The following SLCO4C1 variants were observed in gnomAD, a reference collection of about 807,000 sequenced individuals.
SLCO4C1 encodes solute carrier organic anion transporter family member 4C1, also known as organic anion transporter M1.
In SLCO4C1, 58 loss-of-function variants were observed where a neutral mutation model predicts 72.1. That is an observed-to-expected ratio of 0.80 (90% CI 0.65 to 1.00). The LOEUF is 1.00. SLCO4C1 is among the 50% of genes least tolerant of loss of function. The pLI is 0.00. For missense variants in SLCO4C1, 898 were observed against 857.9 expected, an observed-to-expected ratio of 1.05 and a Z score of -0.58; for synonymous variants, 297 against 312.5, an observed-to-expected ratio of 0.95 and a Z score of 0.52.
chr5:102,239,301 G>C lies in SLCO4C1; in HGVS notation c.1964C>G (p.Ala655Gly). ...WDINDCGIKGACWIYDNIKMA... is the reference protein window; with the variant it reads ...WDINDCGIKGGCWIYDNIKMA... ...CTTGATGTTATCATAAATCCAGCAAGCTCCTTTAATTCCACAATCATTTAT... is the reference window on the plus strand; with the variant it reads ...CTTGATGTTATCATAAATCCAGCAACCTCCTTTAATTCCACAATCATTTAT... The change falls in exon 12 of 13, where the codon GCT becomes GGT. Residue 655 changes from alanine to glycine, a missense_variant. Transcript: ENST00000310954. The C allele has an allele frequency of 6.2e-7, 1 of 1,600,172 alleles. No homozygotes were observed. The highest frequency in any genetic ancestry group is 8.5e-7 in the Non-Finnish European group (1 of 1,173,468).
intron 2 of SLCO4C1, among the ~76,000 whole-genome samples, chr5:102,280,317 T>A (rs964161296): frequency 1.3e-5 from 2 of 151,570 alleles, no homozygotes; most frequent in Non-Finnish European, 2.9e-5. Flanking sequence ...AATGAACATA[T>A]GGAAACTGAA....
intron 2 of SLCO4C1, among the ~76,000 whole-genome samples, chr5:102,274,931 T>C (rs988364421): frequency 6.6e-6 from 1 of 152,034 alleles, no homozygotes; most frequent in Non-Finnish European, 1.5e-5. Context: ...CAATCCTACA[T>C]TCCTCTCCTG....
intron 10 of SLCO4C1, among the ~76,000 whole-genome samples, chr5:102,242,406 G>A (rs58786975): frequency 0.087 from 13,187 of 152,144 alleles, 646 homozygotes; most frequent in African/African-American, 0.13. Flanking sequence ...CTAATCCCCA[G>A]GCTGCACAGC....
At chr5:102,265,160 G>C (rs1159093274) in intron 3 of SLCO4C1, among the ~76,000 whole-genome samples, 1 of 151,932 alleles carries the variant, frequency 6.6e-6, no homozygotes, top group East Asian at 1.9e-4. Flanking sequence ...TTTATAATTA[G>C]ATTATTTGGA....
intron 8 of SLCO4C1, among the ~76,000 whole-genome samples, chr5:102,250,149 A>G (rs1306037822): frequency 6.6e-6 from 1 of 152,192 alleles, no homozygotes; most frequent in Admixed American, 6.5e-5. Flanking sequence ...ACTCTCCTTC[A>G]TTACAGCAAC....
intron 4 of SLCO4C1, among the ~76,000 whole-genome samples, chr5:102,262,495 C>G (rs1748960958): frequency 6.6e-6 from 1 of 152,040 alleles, no homozygotes; most frequent in Non-Finnish European, 1.5e-5. Flanking sequence ...TTCTTTGAAA[C>G]AGGGTCTCAG....
intron 3 of SLCO4C1, among the ~76,000 whole-genome samples, chr5:102,264,473 ACT>A (rs1748998292): frequency 6.6e-6 from 1 of 151,918 alleles, no homozygotes; most frequent in African/African-American, 2.4e-5. Flanking sequence ...ATATAGTTTC[ACT>A]TTTTTTCCCC....
At chr5:102,284,142 C>T (rs534153276) in intron 2 of SLCO4C1, among the ~76,000 whole-genome samples, 6 of 151,920 alleles carry the variant, frequency 3.9e-5, no homozygotes, top group Non-Finnish European at 8.8e-5. Flanking sequence ...AGAGAAAATT[C>T]TCTTTAAATG....
chr5:102,257,987 T>G lies in SLCO4C1; in HGVS notation c.1229A>C (p.Glu410Ala). The change falls in exon 7 of 13, where the codon GAA (glutamate) becomes GCA (alanine). Residue 410 changes from glutamate (E) to alanine (A), a missense_variant. Glu to Ala is a moderately radical substitution (Grantham distance 107, BLOSUM62 -1). Transcript: ENST00000310954. The stretch of plus-strand genomic sequence containing the variant: ...GCTGGATGTCAATCCGAATTGATTT[T>G]CTATAAATTTAGGTAAAAATGTAGC... The part of the protein sequence containing the change: ...GFATFLPKFI[E>A]NQFGLTSSFA... 3 of 1,609,046 alleles carry G rather than the reference T, an allele frequency of 1.9e-6. No individual in the cohort carries two copies. The highest frequency in any genetic ancestry group is 2.5e-6 in the Non-Finnish European group (3 of 1,178,406).
At chr5:102,253,989 G>C (rs544829766) in intron 8 of SLCO4C1, among the ~76,000 whole-genome samples, 2 of 151,636 alleles carry the variant, frequency 1.3e-5, no homozygotes, top group African/African-American at 4.8e-5. Context: ...TACATTTTTT[G>C]GAAATGCTGT....
At chr5:102,279,357 A>G (rs1469916163) in intron 2 of SLCO4C1, among the ~76,000 whole-genome samples, 5 of 152,054 alleles carry the variant, frequency 3.3e-5, no homozygotes, top group Non-Finnish European at 5.9e-5. Flanking sequence ...CAAAAATCAC[A>G]ATTACTCTTG....
chr5:102,274,984 A>G (rs78876782), intron 2 of SLCO4C1, among the ~76,000 whole-genome samples: 1 of 152,252 alleles, frequency 6.6e-6, no homozygotes, highest in Admixed American at 6.5e-5. Context: ...GCATTTACAG[A>G]AAGATGTCAT....
chr5:102,295,854 C>T (rs1237389362), intron 1 of SLCO4C1, 54 bp downstream of exon 1: 4 of 1,514,778 alleles, frequency 2.6e-6, no homozygotes, highest in African/African-American at 1.4e-5. Flanking sequence ...GCTGGCTCGC[C>T]GTGCCCACCT....
At position 102,291,594 on chromosome 5, in the gene SLCO4C1, T is replaced by C; in HGVS notation, c.368A>G (p.Asn123Ser). 13 of 1,610,832 alleles carry C rather than the reference T, an allele frequency of 8.1e-6. No individual in the cohort carries two copies. Among genetic ancestry groups the C allele is most frequent in the Non-Finnish European group, 1.0e-5 (12 of 1,178,666 alleles). The change falls in exon 2 of 13, where the codon AAT becomes AGT. Residue 123 changes from asparagine to serine, a missense_variant. Asn to Ser is a conservative substitution (Grantham distance 46, BLOSUM62 1). Coordinates refer to ENST00000310954, the MANE Select transcript of SLCO4C1 (RefSeq NM_180991.5). The stretch of plus-strand genomic sequence containing the variant: ...GGAAATGCTAATATTTACTAGGCCA[T>C]TAACTACAATACCTAAAAAACAGAA... ...LLAVTQGIVV[N>S]GLVNISISTV... is the part of the protein sequence containing the mutation.
Position 102,236,456 on chromosome 5 carries a change from G to A in SLCO4C1, c.*402C>T, listed in dbSNP as rs1472351990. 6.5e-6 allele frequency: 1 copy of A among 153,346 alleles called. No homozygotes were observed. Among genetic ancestry groups the A allele is most frequent in the African/African-American group, 2.4e-5 (1 of 41,440 alleles). The allele number at this position is 153,346 out of a possible 1,614,324, so 9.5% of individuals were successfully genotyped here. On this transcript the variant is annotated 3_prime_UTR_variant, in exon 13 of 13. Coordinates refer to ENST00000310954, the MANE Select transcript of SLCO4C1 (RefSeq NM_180991.5). ...AATGAAAATTAAAATTAAACAAGTT[G>A]TAATGGGGATAGAAACAACATTTTT...
chr5:102,246,218 C>T lies in SLCO4C1; in HGVS notation c.1811+1034G>A, dbSNP rs148072807. Among the ~76,000 whole-genome samples, 324 of 151,570 alleles carry T rather than the reference C, an allele frequency of 2.1e-3. 1 individual carries two copies. Among genetic ancestry groups the T allele is most frequent in the African/African-American group, 7.5e-3 (310 of 41,396 alleles). On this transcript the variant is annotated intron_variant, in intron 10 of 12. Coordinates refer to ENST00000310954, the MANE Select transcript of SLCO4C1 (RefSeq NM_180991.5). The stretch of plus-strand genomic sequence containing the variant: ...TGAAACTGAAATGAAGAAAACAATA[C>T]CAATGATCAATGAAAAATTAAACAA...
intron 2 of SLCO4C1, among the ~76,000 whole-genome samples, chr5:102,278,882 A>G (rs142054216): frequency 7.0e-4 from 106 of 152,104 alleles, no homozygotes; most frequent in Non-Finnish European, 1.2e-3. Flanking sequence ...AAATGCATAC[A>G]TTAGAAAAAA....
chr5:102,241,052 T>A (rs943333413), intron 10 of SLCO4C1, among the ~76,000 whole-genome samples: 3 of 152,088 alleles, frequency 2.0e-5, no homozygotes, highest in Non-Finnish European at 2.9e-5. Context: ...AGGGTATTCA[T>A]TAACAAGACA....
chr5:102,244,445 T>A (rs927451437), intron 10 of SLCO4C1, among the ~76,000 whole-genome samples: 1 of 151,348 alleles, frequency 6.6e-6, no homozygotes, highest in Non-Finnish European at 1.5e-5. Flanking sequence ...AAAGAAGAGG[T>A]AGAGAAAAAG....
Sources: allele counts gnomAD v4.1 joint callset (sites outside exome capture counted in the v4.1 genomes callset), GRCh38; gene constraint gnomAD v4.1.1; transcripts MANE v1.5; gene names NCBI Gene and HGNC (gene_info 2026-07-23, HGNC 2026-07-21).